The following GLA variants were observed in gnomAD, a reference collection of about 807,000 sequenced individuals.
GLA encodes the protein galactosidase alpha, also known as alpha-galactosidase A.
A neutral mutation model predicts 28.2 loss-of-function variants in GLA; 4 were observed. The ratio of observed to expected loss-of-function variants is 0.14; its 90% CI spans 0.07 to 0.32. The LOEUF is 0.32. GLA is among the 10% of genes least tolerant of loss of function. The pLI is 1.00. For synonymous variants in GLA, 94 were observed against 113.0 expected, an observed-to-expected ratio of 0.83 and a Z score of 1.07; for missense variants, 203 against 323.7, an observed-to-expected ratio of 0.63 and a Z score of 2.86.
At chrX:101,400,933 T>A in intron 3 of GLA, 176 bp from the exon 4 acceptor site, 1 of 304,590 alleles carries the variant, frequency 3.3e-6, no homozygotes, top group Non-Finnish European at 5.7e-6. Context: ...TTTCCCAGGT[T>A]CAAGTGACTC....
intron 4 of GLA, 73 bp downstream of exon 4, chrX:101,400,593 G>A: frequency 3.4e-6 from 2 of 594,960 alleles, no homozygotes; most frequent in Admixed American, 4.9e-5. Flanking sequence ...CTTTGAAGGA[G>A]ACCTTGGTTT....
Position 101,403,928 on chromosome X carries a change from T to G in GLA, c.252A>C (p.Ala84=). 8.3e-7 allele frequency: 1 copy of G among 1,210,438 alleles called. No individual in the cohort carries two copies. Among genetic ancestry groups the G allele is most frequent in the Non-Finnish European group, 1.1e-6 (1 of 893,887 alleles). ...CATCAATGCAGAGGTACTCATAACC[T>G]GCATCCTTCCAGCCTTCTGAGACCA... ...ELMVSEGWKD[A]GYEYLCIDDC... Residue 84 remains alanine, a synonymous_variant, in exon 2 of 7, where the codon GCA becomes GCC. Transcript: ENST00000218516.
rs397515870 is a variant in GLA, at chrX:101,400,692, G to C, written c.613C>G (p.Pro205Ala). ...TTTTGAAAGGGCCACATATAAAGAG[G>C]CCACTCACAGGAGTACACAATGCTT... ...GRSIVYSCEW[P>A]LYMWPFQKPN... The change falls in exon 4 of 7, where the codon CCT becomes GCT. Residue 205 changes from proline (P) to alanine (A), a missense_variant. This residue lies in a region of GLA where 162 missense variants were observed against 246.8 expected (regional missense o/e 0.66). Transcript: ENST00000218516. 2 of 1,177,925 alleles carry C rather than the reference G, an allele frequency of 1.7e-6. No individual in the cohort carries two copies. Among genetic ancestry groups the C allele is most frequent in the Non-Finnish European group, 1.2e-6 (1 of 866,377 alleles).
rs1555985827 is a variant in GLA at position 101,401,723 on chromosome X, G to A, written c.456C>T (p.Tyr152=). 4.1e-6 allele frequency: 5 copies of A among 1,207,392 alleles called. No individual in the cohort carries two copies. Among genetic ancestry groups the A allele is most frequent in the Non-Finnish European group, 5.6e-6 (5 of 891,567 alleles). The change falls in exon 3 of 7, where the codon TAC becomes TAT. Residue 152 remains tyrosine, a synonymous_variant. Transcript: ENST00000218516. ...CAGFPGSFGY[Y]DIDAQTFADW... is the part of the protein sequence containing the mutation. ...CAGCAAAGGTCTGGGCATCAATGTCGTAGTATCCAAAACTCCCAGGGAAGC... is the reference window on the plus strand; with the variant it reads ...CAGCAAAGGTCTGGGCATCAATGTCATAGTATCCAAAACTCCCAGGGAAGC...
At chrX:101,401,484 G>T (rs1928312123) in intron 3 of GLA, 148 bp downstream of exon 3, 2 of 542,382 alleles carry the variant, frequency 3.7e-6, no homozygotes, top group African/African-American at 2.3e-5. Context: ...AACTGAAAGA[G>T]AAGAGATGGG....
intron 2 of GLA, 132 bp downstream of exon 2, chrX:101,403,679 T>G (rs1166768162): frequency 8.3e-6 from 5 of 605,170 alleles, no homozygotes; most frequent in Non-Finnish European, 1.1e-5. Flanking sequence ...TCCACCCGCC[T>G]CGGCCTCCCA....
chrX:101,400,999 C>T (rs1928295037), intron 3 of GLA: 1 of 245,691 alleles, frequency 4.1e-6, no homozygotes, highest in African/African-American at 2.9e-5. Context: ...CCAAAGTCAG[C>T]TAATTTTTGT....
chrX:101,398,292 G>GA, intron 6 of GLA, 78 bp downstream of exon 6: 3 of 847,100 alleles, frequency 3.5e-6, no homozygotes, highest in Non-Finnish European at 3.5e-6. Flanking sequence ...AAGAGCAAGG[G>GA]AAAAAAATAG....
chrX:101,402,433 C>T (rs1232637507), intron 2 of GLA, among the ~76,000 whole-genome samples: 1 of 112,314 alleles, frequency 8.9e-6, no homozygotes. Flanking sequence ...TGGAATTGAA[C>T]TTGGCTCTTT....
At chrX:101,398,166 A>G (rs1419723989) in intron 6 of GLA, 67 bp from the exon 7 acceptor site, 11 of 994,680 alleles carry the variant, frequency 1.1e-5, no homozygotes, top group Non-Finnish European at 1.4e-5. Context: ...TTTGGCATTC[A>G]TTCTTAATGT....
intron 3 of GLA, 141 bp from the exon 4 acceptor site, chrX:101,400,898 C>T (rs782416367): frequency 5.8e-4 from 193 of 333,241 alleles, no homozygotes; most frequent in Non-Finnish European, 8.3e-4. Flanking sequence ...TGCAGTGGTG[C>T]GATCTTGGCT....
At chrX:101,400,880 G>C in intron 3 of GLA, 123 bp from the exon 4 acceptor site, 1 of 389,490 alleles carries the variant, frequency 2.6e-6, no homozygotes, top group Non-Finnish European at 4.5e-6. Flanking sequence ...CTGTCATCCA[G>C]GGTGGAGTGC....
intron 2 of GLA, 119 bp downstream of exon 2, chrX:101,403,692 G>C: frequency 1.4e-6 from 1 of 693,735 alleles, no homozygotes; most frequent in Non-Finnish European, 2.3e-6. Context: ...GCCTCCCAAA[G>C]TGTTGGGATT....
intron 1 of GLA, among the ~76,000 whole-genome samples, chrX:101,406,396 C>T (rs1301310959): frequency 1.8e-5 from 2 of 109,974 alleles, no homozygotes; most frequent in African/African-American, 6.6e-5. Context: ...ATATAGAAAA[C>T]AATTGTAAGG....
chrX:101,405,615 T>C (rs1284932001), intron 1 of GLA, among the ~76,000 whole-genome samples: 1 of 111,093 alleles, frequency 9.0e-6, no homozygotes, highest in Admixed American at 9.6e-5. Flanking sequence ...TTGCAAGGTA[T>C]GATAGACTAA....
Position 101,407,840 on chromosome X carries a change from C to A in GLA, c.64G>T (p.Val22Phe). ...CALALRFLAL[V>F]SWDIPGARAL... ...CTAGCCCCAGGGATGTCCCAGGAAA[C>A]GAGGGCCAGGAAGCGAAGCGCAAGC... Residue 22 changes from valine to phenylalanine, a missense_variant, in exon 1 of 7, where the codon GTT becomes TTT. Physicochemically the swap from Val to Phe is conservative, Grantham distance 50. This residue lies in a region of GLA where 30 missense variants were observed against 32.2 expected (regional missense o/e 0.93). Coordinates refer to ENST00000218516, the MANE Select transcript of GLA (RefSeq NM_000169.3). 2 of 1,211,415 alleles carry A rather than the reference C, an allele frequency of 1.7e-6. No individual in the cohort carries two copies. The highest frequency in any genetic ancestry group is 2.2e-6 in the Non-Finnish European group (2 of 895,085).
chrX:101,404,565 T>A (rs1928431295), intron 1 of GLA, among the ~76,000 whole-genome samples: 1 of 94,217 alleles, frequency 1.1e-5, no homozygotes, highest in Non-Finnish European at 2.1e-5. Flanking sequence ...TTCCTTTTTA[T>A]CTTTTTTTTT....
At chrX:101,400,116 C>T (rs1158432417) in intron 4 of GLA, among the ~76,000 whole-genome samples, 2 of 111,082 alleles carry the variant, frequency 1.8e-5, no homozygotes, top group African/African-American at 6.6e-5. Flanking sequence ...TGGTTTCATT[C>T]CAAGTGCAAT....
chrX:101,402,456 T>G (rs182098890), intron 2 of GLA, among the ~76,000 whole-genome samples: 1 of 112,378 alleles, frequency 8.9e-6, no homozygotes, highest in Admixed American at 9.4e-5. Context: ...TCTACTGTGG[T>G]AGTACTGAAT....
Sources: gnomAD v4.1 joint callset for allele counts (sites outside exome capture counted in the v4.1 genomes callset) on GRCh38, gnomAD v4.1.1 for gene constraint, gnomAD v4.1.1 regional missense constraint, MANE v1.5 for transcripts, NCBI Gene and HGNC (gene_info 2026-07-23, HGNC 2026-07-21) for gene names.